ASTN2: variants seen among roughly 807,000 people sequenced by gnomAD.
ASTN2 encodes the protein astrotactin-2.
Under a neutral mutation model 139.8 loss-of-function variants are expected in ASTN2, and 54 were observed. That is an observed-to-expected ratio of 0.39 (90% CI 0.31 to 0.48). ASTN2 has a LOEUF of 0.48. Ranked by LOEUF, ASTN2 falls within the 20% of genes least tolerant of loss-of-function variation. ASTN2 has a pLI of 0.95. For missense variants in ASTN2, 1,565 were observed against 1,725.1 expected, an observed-to-expected ratio of 0.91 and a Z score of 1.64; for synonymous variants, 756 against 719.5, an observed-to-expected ratio of 1.05 and a Z score of -0.81.
rs1295233873 is a variant in ASTN2 at position 116,699,702 on chromosome 9, T to C, written c.2806+26069A>G. 6.2e-6 allele frequency: 10 copies of C among 1,614,210 alleles called. No individual in the cohort carries two copies. The highest frequency in any genetic ancestry group is 7.6e-6 in the Non-Finnish European group (9 of 1,180,038). On this transcript the variant is annotated intron_variant, in intron 16 of 22. Transcript: ENST00000313400. This position sits in a 1 kb window ranked among gnomAD's most constrained non-coding sequence, Gnocchi z 4.2. ...CCATCTGAGAAGATATTCCACCCCA[T>C]AGGGGATGAGAAATTATCAGTTTCT...
At chr9:116,996,260 T>G (rs1837012380) in intron 7 of ASTN2, among the ~76,000 whole-genome samples, 1 of 152,168 alleles carries the variant, frequency 6.6e-6, no homozygotes, top group South Asian at 2.1e-4. Context: ...AGTATGATTA[T>G]TATTATTGGC....
intron 2 of ASTN2, among the ~76,000 whole-genome samples, chr9:117,263,398 T>TTG (rs2133112175): frequency 6.6e-6 from 1 of 152,282 alleles, no homozygotes; most frequent in Admixed American, 6.5e-5. Flanking sequence ...CCAGTTTGAG[T>TTG]TGGATTTATA....
intron 16 of ASTN2, among the ~76,000 whole-genome samples, chr9:116,662,503 G>A (rs1469755158): frequency 3.3e-5 from 5 of 151,940 alleles, no homozygotes; most frequent in African/African-American, 1.2e-4. Flanking sequence ...AACCTGGGAG[G>A]CAGAGTTTGC....
intron 1 of ASTN2, among the ~76,000 whole-genome samples, chr9:117,331,341 A>G (rs1413118267): frequency 6.6e-6 from 1 of 152,096 alleles, no homozygotes; most frequent in Non-Finnish European, 1.5e-5. Flanking sequence ...CCAGTGAGTC[A>G]CCCAGAAACC....
intron 3 of ASTN2, among the ~76,000 whole-genome samples, chr9:117,204,839 C>T (rs1167954610): frequency 6.6e-6 from 1 of 152,120 alleles, no homozygotes; most frequent in African/African-American, 2.4e-5. Flanking sequence ...CTGCAAAAGC[C>T]AAAACTAAAA....
chr9:117,410,365 A>C (rs1441717130), intron 1 of ASTN2, among the ~76,000 whole-genome samples: 1 of 152,088 alleles, frequency 6.6e-6, no homozygotes, highest in Non-Finnish European at 1.5e-5. Flanking sequence ...TTCCTGCTCA[A>C]ATTCTTTCTT....
chr9:116,439,361 C>T (rs986673363), intron 22 of ASTN2, among the ~76,000 whole-genome samples: 7 of 144,554 alleles, frequency 4.8e-5, no homozygotes, highest in Non-Finnish European at 8.9e-5. Context: ...CCACTACGCC[C>T]GGCTAATTTT....
chr9:117,373,243 T>G (rs1830034370), intron 1 of ASTN2, among the ~76,000 whole-genome samples: 1 of 152,196 alleles, frequency 6.6e-6, no homozygotes, highest in African/African-American at 2.4e-5. Context: ...TTAAAAGACT[T>G]CTATAGATTT....
At chr9:117,156,304 A>G (rs1228342462) in intron 3 of ASTN2, among the ~76,000 whole-genome samples, 2 of 152,096 alleles carry the variant, frequency 1.3e-5, no homozygotes, top group Non-Finnish European at 2.9e-5. Context: ...TGATGCTGCA[A>G]AACAAACACT....
chr9:117,025,219 T>A (rs16934225), intron 6 of ASTN2, among the ~76,000 whole-genome samples: 30,710 of 152,124 alleles, frequency 0.2, 3,747 homozygotes, highest in East Asian at 0.45. Flanking sequence ...GGCCTGAGGA[T>A]GAGATGCCCA....
chr9:116,444,376 C>A (rs1369345233), intron 20 of ASTN2, among the ~76,000 whole-genome samples: 4 of 152,146 alleles, frequency 2.6e-5, no homozygotes, highest in Non-Finnish European at 4.4e-5. Context: ...AAAATAATCA[C>A]CCTCATTATC....
intron 7 of ASTN2, 62 bp from the exon 8 acceptor site, chr9:116,976,847 G>T: frequency 1.3e-6 from 2 of 1,492,416 alleles, no homozygotes; most frequent in Non-Finnish European, 1.9e-6. Flanking sequence ...GCTTTTCTCT[G>T]GTTTGCTTGT....
At chr9:116,537,162 G>A (rs1479422655) in intron 19 of ASTN2, among the ~76,000 whole-genome samples, 2 of 152,218 alleles carry the variant, frequency 1.3e-5, no homozygotes, top group African/African-American at 2.4e-5. Flanking sequence ...AGCCACGTGC[G>A]GGATATAATC....
chr9:116,563,569 G>C (rs1853035191), intron 19 of ASTN2, among the ~76,000 whole-genome samples: 1 of 151,814 alleles, frequency 6.6e-6, no homozygotes, highest in African/African-American at 2.4e-5. Flanking sequence ...CTTTGTTCAG[G>C]TCTCTCATCT....
intron 2 of ASTN2, among the ~76,000 whole-genome samples, chr9:117,265,862 C>T (rs1190643244): frequency 3.3e-5 from 5 of 151,542 alleles, no homozygotes; most frequent in African/African-American, 4.9e-5. Flanking sequence ...GTGGGATTAT[C>T]GAATACCCTT....
intron 1 of ASTN2, among the ~76,000 whole-genome samples, chr9:117,364,165 A>G (rs988225448): frequency 1.3e-5 from 2 of 152,200 alleles, no homozygotes; most frequent in Admixed American, 1.3e-4. Flanking sequence ...TAGGCATCCA[A>G]TAATTTCAGA....
intron 5 of ASTN2, among the ~76,000 whole-genome samples, chr9:117,043,725 C>G (rs762141264): frequency 6.6e-6 from 1 of 151,816 alleles, no homozygotes; most frequent in Non-Finnish European, 1.5e-5. Flanking sequence ...CTGGCCAACA[C>G]GGCAAAACCC....
chr9:117,364,848 C>T (rs762831372), intron 1 of ASTN2, among the ~76,000 whole-genome samples: 11 of 151,968 alleles, frequency 7.2e-5, no homozygotes, highest in Non-Finnish European at 1.6e-4. Flanking sequence ...CATGGTGGCT[C>T]ATGCCTGTAA....
intron 19 of ASTN2, among the ~76,000 whole-genome samples, chr9:116,597,284 C>T (rs1854625398): frequency 7.8e-6 from 1 of 127,754 alleles, no homozygotes; most frequent in Non-Finnish European, 1.7e-5. Context: ...CAAAATATTC[C>T]ATGACTTTTG....
Sources: allele counts gnomAD v4.1 joint callset (sites outside exome capture counted in the v4.1 genomes callset), GRCh38; gene constraint gnomAD v4.1.1; non-coding constraint Gnocchi (gnomAD v3.1); transcripts MANE v1.5; gene names NCBI Gene and HGNC (gene_info 2026-07-23, HGNC 2026-07-21).